Variants in PPM1L observed in about 807,000 individuals in gnomAD.
PPM1L encodes protein phosphatase 1L.
In PPM1L, 13 loss-of-function variants were observed where a neutral mutation model predicts 31.4. The observed-to-expected ratio is 0.41, with a 90% CI of 0.27 to 0.66. PPM1L has a LOEUF of 0.66. Ranked by LOEUF, PPM1L falls within the 30% of genes least tolerant of loss-of-function variation. The probability of loss-of-function intolerance (pLI) is 0.29; values close to 1 mark genes in which losing one functional copy is unlikely to be tolerated. For missense variants in PPM1L, 326 were observed against 453.7 expected (o/e 0.72, Z 2.56); for synonymous variants, 184 against 175.4 (o/e 1.05, Z -0.39).
At chr3:160,977,375 A>G (rs533269520) in intron 2 of PPM1L, among the ~76,000 whole-genome samples, 2 of 152,352 alleles carry the variant, frequency 1.3e-5, no homozygotes, top group South Asian at 2.1e-4. Flanking sequence ...AACATTTACT[A>G]TGTGCCAAGT....
chr3:160,835,427 A>G (rs746579426), intron 1 of PPM1L, among the ~76,000 whole-genome samples: 40 of 152,108 alleles, frequency 2.6e-4, no homozygotes, highest in Non-Finnish European at 5.4e-4. Flanking sequence ...TAGAATAACT[A>G]AATTTTTTTA....
chr3:160,886,993 A>G (rs901924791), intron 1 of PPM1L, among the ~76,000 whole-genome samples: 4 of 152,072 alleles, frequency 2.6e-5, no homozygotes, highest in Non-Finnish European at 4.4e-5. Flanking sequence ...TAACTAGAAT[A>G]ACCAGTTTAG....
At chr3:160,960,372 A>C (rs139742291) in intron 1 of PPM1L, among the ~76,000 whole-genome samples, 1 of 152,120 alleles carries the variant, frequency 6.6e-6, no homozygotes. Flanking sequence ...GGGAACATTC[A>C]AAAACCTTTA....
chr3:160,937,569 G>A (rs1334439343), intron 1 of PPM1L, among the ~76,000 whole-genome samples: 1 of 152,046 alleles, frequency 6.6e-6, no homozygotes, highest in Non-Finnish European at 1.5e-5. Context: ...GCAGTGAGCC[G>A]AGATCGCGCC....
chr3:160,818,984 T>C (rs973785333), intron 1 of PPM1L, among the ~76,000 whole-genome samples: 1 of 152,126 alleles, frequency 6.6e-6, no homozygotes, highest in Admixed American at 6.6e-5. Context: ...TGCCTTGATA[T>C]TTACTATTTG....
chr3:160,949,048 G>A (rs1439405355), intron 1 of PPM1L, among the ~76,000 whole-genome samples: 1 of 152,080 alleles, frequency 6.6e-6, no homozygotes, highest in Non-Finnish European at 1.5e-5. Context: ...TATGGAGCAG[G>A]CCCCATGAAT....
At chr3:160,985,171 T>C (rs553825166) in intron 2 of PPM1L, among the ~76,000 whole-genome samples, 4 of 152,212 alleles carry the variant, frequency 2.6e-5, no homozygotes, top group Non-Finnish European at 5.9e-5. Flanking sequence ...TTTTATTTTA[T>C]TAATTTTTAA....
At chr3:160,760,817 T>C (rs529848550) in intron 1 of PPM1L, among the ~76,000 whole-genome samples, 1 of 152,248 alleles carries the variant, frequency 6.6e-6, no homozygotes, top group Non-Finnish European at 1.5e-5. Context: ...AAGAATAGAT[T>C]GTTATGTGCT....
intron 1 of PPM1L, among the ~76,000 whole-genome samples, chr3:160,773,812 T>A (rs563487501): frequency 6.6e-6 from 1 of 152,280 alleles, no homozygotes; most frequent in East Asian, 1.9e-4. Flanking sequence ...TGATTTTTTG[T>A]TGGATCTTAC....
chr3:160,918,489 GTGTCTTTAAGTTAGA>G (rs879466055), intron 1 of PPM1L, among the ~76,000 whole-genome samples: 18 of 152,140 alleles, frequency 1.2e-4, no homozygotes, highest in Non-Finnish European at 1.8e-4. Context: ...TTAGAGTAAG[GTGTCTTTAAGTTAGA>G]TGTCTTTAAG....
chr3:160,995,058 T>C (rs1198545755), intron 2 of PPM1L, among the ~76,000 whole-genome samples: 1 of 152,126 alleles, frequency 6.6e-6, no homozygotes, highest in East Asian at 1.9e-4. Context: ...ACAGCGTTAT[T>C]AAAAGGTGGT....
intron 1 of PPM1L, among the ~76,000 whole-genome samples, chr3:160,849,941 G>C (rs895216184): frequency 2.0e-5 from 3 of 152,162 alleles, no homozygotes; most frequent in African/African-American, 7.2e-5. Context: ...AAAATATGTG[G>C]AGGTTTTTCC....
chr3:161,013,737 G>T (rs958079278), intron 2 of PPM1L, among the ~76,000 whole-genome samples: 7 of 152,188 alleles, frequency 4.6e-5, no homozygotes, highest in Admixed American at 6.6e-5. Context: ...ATTTAGGATA[G>T]TTCGGTCTTC....
chr3:161,022,285 A>G (rs115631088), intron 2 of PPM1L: 285 of 534,246 alleles, frequency 5.3e-4, no homozygotes, highest in Non-Finnish European at 7.9e-4. Context: ...TTCCCTCCCC[A>G]TTCTCTGTGC....
rs118034583 is a variant in PPM1L, at chr3:160,770,073, A to G, written c.399+13366A>G. On this transcript the variant is annotated intron_variant, in intron 1 of 3. Coordinates refer to ENST00000498165, the MANE Select transcript of PPM1L (RefSeq NM_139245.4). The stretch of plus-strand genomic sequence containing the variant: ...ATGTTTTCTCATCTGATTATTGTCA[A>G]TTTATAAAAATGCTTACTGACTCAA... Among the ~76,000 whole-genome samples, 55 of 152,262 alleles carry G rather than the reference A, an allele frequency of 3.6e-4. No individual in the cohort carries two copies. In the East Asian group the frequency reaches 8.1e-3, roughly 22 times the overall value.
intron 1 of PPM1L, among the ~76,000 whole-genome samples, chr3:160,779,548 G>A (rs1711674906): frequency 6.6e-6 from 1 of 151,820 alleles, no homozygotes; most frequent in African/African-American, 2.4e-5. Context: ...TTTGAGACAG[G>A]GTCTCATTCT....
At chr3:160,812,247 CT>C (rs1369880854) in intron 1 of PPM1L, among the ~76,000 whole-genome samples, 1 of 152,142 alleles carries the variant, frequency 6.6e-6, no homozygotes, top group East Asian at 1.9e-4. Context: ...TTCCTCTTTT[CT>C]TTCTTAAATA....
At chr3:160,858,958 C>T (rs975269808) in intron 1 of PPM1L, among the ~76,000 whole-genome samples, 4 of 152,126 alleles carry the variant, frequency 2.6e-5, no homozygotes, top group African/African-American at 9.7e-5. Flanking sequence ...GAGCATGTGA[C>T]CCAGCCTAGG....
At chr3:160,971,453 C>T (rs1716340759) in intron 2 of PPM1L, among the ~76,000 whole-genome samples, 1 of 152,048 alleles carries the variant, frequency 6.6e-6, no homozygotes, top group Non-Finnish European at 1.5e-5. Flanking sequence ...TATGTGTGCT[C>T]ATGTGGGAGG....
Sources: gnomAD v4.1 joint callset for allele counts (sites outside exome capture counted in the v4.1 genomes callset) on GRCh38, gnomAD v4.1.1 for gene constraint, MANE v1.5 for transcripts, NCBI Gene and HGNC (gene_info 2026-07-23, HGNC 2026-07-21) for gene names.